MGAT5: variants seen among roughly 807,000 people sequenced by gnomAD.
MGAT5 encodes alpha-1,6-mannosylglycoprotein 6-beta-N-acetylglucosaminyltransferase.
MGAT5 carries 30 observed loss-of-function variants against 94.3 expected under a neutral mutation model. The observed-to-expected ratio is 0.32, with a 90% CI of 0.24 to 0.43. MGAT5 has a LOEUF of 0.43. Ranked by LOEUF, MGAT5 falls within the 20% of genes least tolerant of loss-of-function variation. The probability of loss-of-function intolerance (pLI) is 1.00; values close to 1 mark genes in which losing one functional copy is unlikely to be tolerated. For missense variants in MGAT5, 691 were observed against 905.5 expected, an observed-to-expected ratio of 0.76 and a Z score of 3.04; for synonymous variants, 310 against 322.9, an observed-to-expected ratio of 0.96 and a Z score of 0.43.
chr2:134,241,739 G>T (rs57012803), intron 1 of MGAT5, among the ~76,000 whole-genome samples: 2,007 of 152,204 alleles, frequency 0.013, 19 homozygotes, highest in East Asian at 0.03. Context: ...TGACTGAAAA[G>T]TTCCTAAGGG....
At chr2:134,120,724 C>A (rs565073872) in intron 1 of MGAT5, among the ~76,000 whole-genome samples, 10 of 151,786 alleles carry the variant, frequency 6.6e-5, no homozygotes, top group African/African-American at 2.4e-4. Context: ...AGGCGTGGGC[C>A]GGGCCGGGCC....
intron 1 of MGAT5, among the ~76,000 whole-genome samples, chr2:134,172,882 T>A (rs1003186815): frequency 6.6e-6 from 1 of 152,230 alleles, no homozygotes; most frequent in African/African-American, 2.4e-5. Flanking sequence ...CTAATTCTTG[T>A]TTCTTTTATG....
intron 1 of MGAT5, among the ~76,000 whole-genome samples, chr2:134,229,983 A>C (rs1355778541): frequency 6.6e-6 from 1 of 152,246 alleles, no homozygotes; most frequent in African/African-American, 2.4e-5. Flanking sequence ...AGCACTTTAC[A>C]TCTGTTAGGA....
intron 10 of MGAT5, among the ~76,000 whole-genome samples, chr2:134,372,769 C>T (rs1448578899): frequency 6.6e-6 from 1 of 152,208 alleles, no homozygotes; most frequent in Non-Finnish European, 1.5e-5. Flanking sequence ...TTGCTTATTG[C>T]GTGGGTGGCT....
intron 10 of MGAT5, among the ~76,000 whole-genome samples, chr2:134,375,972 C>T (rs1681143729): frequency 6.6e-6 from 1 of 152,156 alleles, no homozygotes; most frequent in African/African-American, 2.4e-5. Flanking sequence ...CAGGTTGTCC[C>T]CAGGCACTCC....
intron 10 of MGAT5, among the ~76,000 whole-genome samples, chr2:134,381,545 A>AGATAGATAGATG (rs1172742465): frequency 1.3e-5 from 2 of 151,486 alleles, no homozygotes; most frequent in Non-Finnish European, 2.9e-5. Flanking sequence ...ACAGATAGAT[A>AGATAGATAGATG]GATAGATAGA....
intron 1 of MGAT5, among the ~76,000 whole-genome samples, chr2:134,224,679 TAG>T (rs1349066079): frequency 1.3e-5 from 2 of 152,104 alleles, no homozygotes; most frequent in African/African-American, 4.8e-5. Flanking sequence ...AAAGCTATGG[TAG>T]AGAGTTTTCT....
At chr2:134,257,896 C>T (rs1387253659) in intron 1 of MGAT5, among the ~76,000 whole-genome samples, 1 of 131,200 alleles carries the variant, frequency 7.6e-6, no homozygotes, top group East Asian at 2.5e-4. Context: ...GCCTACACAT[C>T]TGCTTTGAGA....
chr2:134,255,874 T>C (rs1682932652), intron 1 of MGAT5, among the ~76,000 whole-genome samples: 1 of 152,144 alleles, frequency 6.6e-6, no homozygotes, highest in Admixed American at 6.5e-5. Flanking sequence ...ACACAGGAAA[T>C]CATACTCAGT....
chr2:134,217,584 TA>T (rs1377554748), intron 1 of MGAT5, among the ~76,000 whole-genome samples: 1 of 152,214 alleles, frequency 6.6e-6, no homozygotes, highest in Non-Finnish European at 1.5e-5. Flanking sequence ...GAACATTCAT[TA>T]AAGTCCTTCA....
intron 10 of MGAT5, among the ~76,000 whole-genome samples, chr2:134,363,533 C>A (rs998570445): frequency 1.3e-5 from 2 of 152,240 alleles, no homozygotes; most frequent in African/African-American, 4.8e-5. Context: ...CGATTCCCCT[C>A]TGCCCAGGGA....
intron 11 of MGAT5, among the ~76,000 whole-genome samples, chr2:134,405,612 A>T (rs1207199680): frequency 6.6e-6 from 1 of 152,246 alleles, no homozygotes; most frequent in Non-Finnish European, 1.5e-5. Context: ...GAAATGGGGA[A>T]CTGGAGCAGC....
At chr2:134,312,764 C>T (rs897963173) in intron 2 of MGAT5, among the ~76,000 whole-genome samples, 2 of 152,062 alleles carry the variant, frequency 1.3e-5, no homozygotes, top group Non-Finnish European at 2.9e-5. Context: ...AGCAGATGCC[C>T]AGTGAAGGTG....
intron 10 of MGAT5, among the ~76,000 whole-genome samples, chr2:134,364,314 A>G (rs997988729): frequency 1.3e-5 from 2 of 152,204 alleles, no homozygotes; most frequent in African/African-American, 4.8e-5. Context: ...AGCCTGACTA[A>G]CATGGTGAAA....
chr2:134,450,226 A>C lies in MGAT5; in HGVS notation c.*1379A>C, dbSNP rs983009227. On this transcript the variant is annotated 3_prime_UTR_variant, in exon 16 of 16. Transcript: ENST00000281923. ...CCCCTGACATCTCCATGCTGATGCA[A>C]GTGAGACCCCTTCTGCCTAATGTGA... 4 of 152,278 alleles carry C rather than the reference A, an allele frequency of 2.6e-5. No homozygotes were observed. The highest frequency in any genetic ancestry group is 2.6e-4 in the Admixed American group (4 of 15,280). 9.4% of individuals were successfully genotyped at this position (152,278 alleles called of 1,614,324 possible).
At chr2:134,385,011 A>G (rs1681882190) in intron 10 of MGAT5, among the ~76,000 whole-genome samples, 1 of 152,222 alleles carries the variant, frequency 6.6e-6, no homozygotes, top group Non-Finnish European at 1.5e-5. Context: ...TGGAAGAGCC[A>G]TGGCTACACA....
chr2:134,250,134 G>C (rs1344830617), upstream of MGAT5, among the ~76,000 whole-genome samples: 1 of 152,186 alleles, frequency 6.6e-6, no homozygotes, highest in Non-Finnish European at 1.5e-5. Context: ...GGCGTCAGTG[G>C]GAAGGAACAA....
At chr2:134,167,017 T>C (rs374238473) in intron 1 of MGAT5, among the ~76,000 whole-genome samples, 7 of 152,298 alleles carry the variant, frequency 4.6e-5, no homozygotes, top group African/African-American at 1.7e-4. Context: ...TGTTATGACA[T>C]ATGGTAAGAT....
chr2:134,242,290 G>T (rs947089387), intron 1 of MGAT5, among the ~76,000 whole-genome samples: 3 of 152,192 alleles, frequency 2.0e-5, no homozygotes, highest in Non-Finnish European at 4.4e-5. Context: ...TTTTTAACCT[G>T]ATGGATCAAA....
Sources: allele counts gnomAD v4.1 joint callset (sites outside exome capture counted in the v4.1 genomes callset), GRCh38; gene constraint gnomAD v4.1.1; transcripts MANE v1.5; gene names NCBI Gene and HGNC (gene_info 2026-07-23, HGNC 2026-07-21).